HK1: variants seen among roughly 807,000 people sequenced by gnomAD.
HK1 encodes hexokinase-1.
A neutral mutation model predicts 91.6 loss-of-function variants in HK1; 28 were observed. That is an observed-to-expected ratio of 0.31 (90% CI 0.23 to 0.42). HK1 has a LOEUF of 0.42. HK1 is among the 10% of genes least tolerant of loss of function. HK1 has a pLI of 1.00. For synonymous variants in HK1, 430 were observed against 468.1 expected (o/e 0.92, Z 1.05); for missense variants, 770 against 1,219.8 (o/e 0.63, Z 5.49).
intron 3 of HK1, among the ~76,000 whole-genome samples, chr10:69,294,731 G>A (rs777500261): frequency 2.4e-4 from 36 of 152,180 alleles, no homozygotes; most frequent in Non-Finnish European, 4.1e-4. Flanking sequence ...GTGTGGTGGC[G>A]GATGCCTGTA....
chr10:69,377,381 T>TC (rs1839170088), intron 8 of HK1, among the ~76,000 whole-genome samples: 1 of 94,222 alleles, frequency 1.1e-5, no homozygotes, highest in Non-Finnish European at 2.2e-5. Context: ...ACCCCCACCC[T>TC]CCACACACAC....
chr10:69,354,968 C>G (rs777592648), intron 2 of HK1, among the ~76,000 whole-genome samples: 1 of 149,162 alleles, frequency 6.7e-6, no homozygotes, highest in Non-Finnish European at 1.5e-5. Flanking sequence ...ACTCGGGAGG[C>G]TGAGGCAGGA....
intron 1 of HK1, among the ~76,000 whole-genome samples, chr10:69,336,635 G>GT (rs1447628937): frequency 1.4e-5 from 2 of 139,820 alleles, no homozygotes; most frequent in African/African-American, 5.6e-5. Context: ...TTTGGTAGAT[G>GT]CCTTTTTTTT....
intron 1 of HK1, among the ~76,000 whole-genome samples, chr10:69,328,810 C>T (rs1847530533): frequency 6.6e-6 from 1 of 152,152 alleles, no homozygotes; most frequent in South Asian, 2.1e-4. Context: ...TTTCTTCCTC[C>T]ACCTAGCTTC....
intron 3 of HK1, among the ~76,000 whole-genome samples, chr10:69,289,092 G>A (rs186728502): frequency 3.2e-4 from 49 of 152,222 alleles, no homozygotes; most frequent in African/African-American, 1.0e-3. Flanking sequence ...TAGCTTCTCA[G>A]AGGGCTCACA....
chr10:69,344,946 G>A (rs1230368766), intron 2 of HK1, among the ~76,000 whole-genome samples: 1 of 152,112 alleles, frequency 6.6e-6, no homozygotes, highest in Non-Finnish European at 1.5e-5. Context: ...CGACCAGTGA[G>A]TACAGCTTTC....
chr10:69,328,130 A>G (rs938117427), intron 1 of HK1, among the ~76,000 whole-genome samples: 2 of 152,198 alleles, frequency 1.3e-5, no homozygotes, highest in Non-Finnish European at 2.9e-5. Context: ...AGCTCTGCTC[A>G]GAGAAAACTC....
chr10:69,400,967 C>T lies in HK1; in HGVS notation c.2610-24C>T, dbSNP rs369541122. 3.7e-6 allele frequency: 6 copies of T among 1,614,002 alleles called. No homozygotes were observed. The African/African-American group carries it at 8.0e-5, about 22-fold the overall frequency. On this transcript the variant is annotated intron_variant, in intron 17 of 17. Transcript: ENST00000359426. ...GCGTCTCTCATCTTCCTCCAACTAC[C>T]TTCTGTTTTCTCGTCCTTTTTAGCT...
chr10:69,325,653 C>G (rs928672484), intron 1 of HK1, among the ~76,000 whole-genome samples: 1 of 151,786 alleles, frequency 6.6e-6, no homozygotes, highest in African/African-American at 2.4e-5. Flanking sequence ...AGTGCCCCCC[C>G]CTGCCCCCCA....
chr10:69,271,608 G>T (rs1401930445), intron 1 of HK1, among the ~76,000 whole-genome samples: 2 of 151,474 alleles, frequency 1.3e-5, no homozygotes, highest in Admixed American at 1.3e-4. Context: ...CTCCTGAGTA[G>T]CTGGGACTAC....
intron 1 of HK1, among the ~76,000 whole-genome samples, chr10:69,330,673 G>A (rs960391760): frequency 1.3e-5 from 2 of 151,956 alleles, no homozygotes; most frequent in African/African-American, 4.8e-5. Context: ...ATTCAAGAAG[G>A]TGTCTACCTT....
At chr10:69,388,089 T>C (rs1423581310) in intron 13 of HK1, among the ~76,000 whole-genome samples, 1 of 152,118 alleles carries the variant, frequency 6.6e-6, no homozygotes, top group African/African-American at 2.4e-5. Flanking sequence ...CAAAAAGGGC[T>C]GAGTTGCATC....
upstream of HK1, chr10:69,316,051 G>A (rs1248134980): frequency 6.5e-7 from 1 of 1,540,902 alleles, no homozygotes; most frequent in Non-Finnish European, 9.0e-7. Flanking sequence ...TGGCAAGCTG[G>A]GCCTTAGATG....
exon 3 of HK1, chr10:69,288,756 T>A: frequency 6.2e-7 from 1 of 1,613,872 alleles, no homozygotes; most frequent in African/African-American, 1.3e-5. Context: ...GGGGCAGATC[T>A]GCCAGCGAGA....
chr10:69,351,768 C>G (rs1423837538), intron 2 of HK1, among the ~76,000 whole-genome samples: 1 of 152,150 alleles, frequency 6.6e-6, no homozygotes, highest in African/African-American at 2.4e-5. Context: ...TATCTAACCC[C>G]TCTTTACCTT....
At chr10:69,288,889 C>A in intron 3 of HK1, 2 of 813,582 alleles carry the variant, frequency 2.5e-6, no homozygotes, top group Non-Finnish European at 4.1e-6. Flanking sequence ...CGGGTTCAAG[C>A]GATTCTCCTG....
intron 1 of HK1, among the ~76,000 whole-genome samples, chr10:69,343,180 C>T (rs370378277): frequency 5.3e-5 from 8 of 152,178 alleles, no homozygotes; most frequent in African/African-American, 1.9e-4. Context: ...GGGTCCTAGC[C>T]CTTTGGCCGC....
chr10:69,334,602 C>A (rs1350780755), intron 1 of HK1, among the ~76,000 whole-genome samples: 2 of 152,152 alleles, frequency 1.3e-5, no homozygotes, highest in East Asian at 3.9e-4. Flanking sequence ...CTGAGACCTC[C>A]CTAGGCTAGT....
rs192959661 is a variant in HK1 at position 69,355,909 on chromosome 10, T to C, written c.227-3988T>C. Among the ~76,000 whole-genome samples the C allele has an allele frequency of 4.0e-4, 61 of 152,320 alleles. 1 individual carries two copies. Among genetic ancestry groups the C allele is most frequent in the African/African-American group, 1.4e-3 (59 of 41,586 alleles). On this transcript the variant is annotated intron_variant, in intron 2 of 17. Coordinates refer to ENST00000359426, the MANE Select transcript of HK1 (RefSeq NM_000188.3). Reference sequence around the variant, plus strand: ...GAATAGTCTTTTCAGCAAATGGTGCTGGGACACTGGATATCCACATGCAAA... The same window carrying C: ...GAATAGTCTTTTCAGCAAATGGTGCCGGGACACTGGATATCCACATGCAAA...
Sources: allele counts gnomAD v4.1 joint callset (sites outside exome capture counted in the v4.1 genomes callset), GRCh38; gene constraint gnomAD v4.1.1; transcripts MANE v1.5; gene names NCBI Gene and HGNC (gene_info 2026-07-23, HGNC 2026-07-21).